The following ZBED4 variants were observed in gnomAD, a reference collection of about 807,000 sequenced individuals.
ZBED4 encodes zinc finger BED-type containing 4.
In ZBED4, 4 loss-of-function variants were observed where a neutral mutation model predicts 15.5. That is an observed-to-expected ratio of 0.26 (90% CI 0.13 to 0.59). The LOEUF (loss-of-function observed/expected upper bound fraction) is 0.59, where lower values mean the gene tolerates loss of function less well. Among genes scored for constraint, ZBED4 ranks in the 20% least tolerant of loss-of-function variants. ZBED4 has a pLI of 0.90. For missense variants in ZBED4, 1,323 were observed against 1,461.8 expected, an observed-to-expected ratio of 0.91 and a Z score of 1.55; for synonymous variants, 692 against 608.5, an observed-to-expected ratio of 1.14 and a Z score of -2.02.
At chr22:49,878,829 C>G (rs538686583) in intron 1 of ZBED4, among the ~76,000 whole-genome samples, 12 of 152,076 alleles carry the variant, frequency 7.9e-5, no homozygotes, top group African/African-American at 1.9e-4. Flanking sequence ...GAAACCTTGT[C>G]TCTACTAAAA....
At position 49,879,302 on chromosome 22, in the gene ZBED4, T is replaced by C. The variant is rs538081714; in HGVS notation, c.-329-4032T>C. Among the ~76,000 whole-genome samples, 4 of 149,630 alleles carry C rather than the reference T, an allele frequency of 2.7e-5. No individual in the cohort carries two copies. In the East Asian group the frequency reaches 7.9e-4, roughly 30 times the overall value. ...ACCACGCCGCGCTAATTTTTTTGTA[T>C]TTTTAGTAGAGACCAGGTTTCGCCA... On this transcript the variant is annotated intron_variant, in intron 1 of 1. Transcript: ENST00000216268.
At position 49,887,844 on chromosome 22, in the gene ZBED4, T is replaced by G. The variant is rs1418260185; in HGVS notation, c.*666T>G. The G allele has an allele frequency of 6.0e-6, 1 of 167,284 alleles. No homozygotes were observed. Among genetic ancestry groups the G allele is most frequent in the Non-Finnish European group, 1.5e-5 (1 of 68,146 alleles). 10.4% of individuals were successfully genotyped at this position (167,284 alleles called of 1,614,324 possible). A position where few individuals can be genotyped will look rare whatever the true frequency, so the allele number is the denominator to read the frequency against. On this transcript the variant is annotated 3_prime_UTR_variant, in exon 2 of 2. Coordinates refer to ENST00000216268, the MANE Select transcript of ZBED4 (RefSeq NM_014838.3). Reference sequence around the variant, plus strand: ...TTCAGGCTTTACATGGTCAGTTAACTCAGAGATACCCCAGCTGTTTATCAT... The same window carrying G: ...TTCAGGCTTTACATGGTCAGTTAACGCAGAGATACCCCAGCTGTTTATCAT...
chr22:49,877,811 G>T (rs751448093), intron 1 of ZBED4, among the ~76,000 whole-genome samples: 1 of 151,950 alleles, frequency 6.6e-6, no homozygotes, highest in Non-Finnish European at 1.5e-5. Flanking sequence ...TCTGCCCCTC[G>T]TGGCCCCTCC....
At chr22:49,854,919 C>A (rs965099560) in intron 1 of ZBED4, among the ~76,000 whole-genome samples, 1 of 152,208 alleles carries the variant, frequency 6.6e-6, no homozygotes, top group African/African-American at 2.4e-5. Flanking sequence ...CGACTTTTTA[C>A]ACAGAAATGT....
Position 49,889,722 on chromosome 22 carries a change from C to T in ZBED4, c.*2544C>T, listed in dbSNP as rs567485232. On this transcript the variant is annotated 3_prime_UTR_variant, in exon 2 of 2. Transcript: ENST00000216268. Reference sequence around the variant, plus strand: ...TCTCTGCCCTCCAGTTGCTGACAGTCCTGCAGGAAGATGGACAAGAGGCCC... The same window carrying T: ...TCTCTGCCCTCCAGTTGCTGACAGTTCTGCAGGAAGATGGACAAGAGGCCC... The T allele has an allele frequency of 1.2e-5, 2 of 167,334 alleles. No homozygotes were observed. The highest frequency in any genetic ancestry group is 2.1e-4 in the South Asian group (1 of 4,822). 10.4% of individuals were successfully genotyped at this position (167,334 alleles called of 1,614,324 possible). A position where few individuals can be genotyped will look rare whatever the true frequency, so the allele number is the denominator to read the frequency against.
chr22:49,856,721 G>A (rs4058456), intron 1 of ZBED4, among the ~76,000 whole-genome samples: 211 of 18,438 alleles, frequency 0.011, 1 homozygote, highest in Admixed American at 0.039. Flanking sequence ...TGAAGGCCGC[G>A]CTGGAATCCC....
chr22:49,881,954 A>G (rs1189560853), intron 1 of ZBED4, among the ~76,000 whole-genome samples: 1 of 152,186 alleles, frequency 6.6e-6, no homozygotes, highest in East Asian at 1.9e-4. Flanking sequence ...TAACCTTGGA[A>G]CACTTTTTAG....
intron 1 of ZBED4, among the ~76,000 whole-genome samples, chr22:49,881,601 C>A (rs1030702764): frequency 6.6e-6 from 1 of 152,228 alleles, no homozygotes; most frequent in African/African-American, 2.4e-5. Context: ...AGTCTTCAAA[C>A]TCCTGCCCTC....
Position 49,884,799 on chromosome 22 carries a change from G to T in ZBED4, c.1137G>T (p.Pro379=), listed in dbSNP as rs376883523. 1.2e-6 allele frequency: 2 copies of T among 1,609,538 alleles called. No individual in the cohort carries two copies. Among genetic ancestry groups the T allele is most frequent in the Middle Eastern group, 1.7e-4 (1 of 6,044 alleles). The change falls in exon 2 of 2, where the codon CCG becomes CCT. Residue 379 remains proline, a synonymous_variant. Transcript: ENST00000216268. ...CTGTGTCCTCGTCTCCAGTAAAGCC[G>T]GTCAGAGAGTCCCCTTCGGCCTCCT... ...LSSVSSSPVK[P]VRESPSASSS... is the part of the protein sequence containing the mutation.
intron 1 of ZBED4, among the ~76,000 whole-genome samples, chr22:49,866,961 G>A (rs1314319336): frequency 1.3e-5 from 2 of 152,122 alleles, no homozygotes; most frequent in East Asian, 3.8e-4. Flanking sequence ...CATTGGTTTG[G>A]TTTGCTGTTT....
chr22:49,874,698 T>TTTTTTTTTG (rs2060367359), intron 1 of ZBED4, among the ~76,000 whole-genome samples: 1 of 142,292 alleles, frequency 7.0e-6, no homozygotes, highest in Non-Finnish European at 1.5e-5. Context: ...TTTTTTTTTT[T>TTTTTTTTTG]GAGACGGAGT....
intron 1 of ZBED4, among the ~76,000 whole-genome samples, chr22:49,873,198 T>C (rs1383474166): frequency 6.6e-6 from 1 of 152,240 alleles, no homozygotes; most frequent in Non-Finnish European, 1.5e-5. Context: ...AGCGTTGGCC[T>C]CTCTCAGCTT....
Position 49,886,119 on chromosome 22 carries a change from G to A in ZBED4, c.2457G>A (p.Glu819=), listed in dbSNP as rs2060437315. 4.4e-6 allele frequency: 3 copies of A among 682,310 alleles called. No individual in the cohort carries two copies. The highest frequency in any genetic ancestry group is 1.8e-5 in the African/African-American group (1 of 55,896). The allele number at this position is 682,310 out of a possible 1,614,324, so 42.3% of individuals were successfully genotyped here. A position where few individuals can be genotyped will look rare whatever the true frequency, so the allele number is the denominator to read the frequency against. ...DNASIGKTLN[E]GEHSSVQCFS... ...CCAGCATCGGGAAGACGCTGAACGA[G>A]GGGGAGCACTCGAGCGTGCAGTGCT... The change falls in exon 2 of 2, where the codon GAG becomes GAA. Residue 819 remains glutamate (E), a synonymous_variant. Coordinates refer to ENST00000216268, the MANE Select transcript of ZBED4 (RefSeq NM_014838.3). The surrounding 1 kb of genome is among the most constrained non-coding windows in gnomAD (Gnocchi z 7.7).
intron 1 of ZBED4, among the ~76,000 whole-genome samples, chr22:49,858,859 G>A (rs1011027848): frequency 3.3e-5 from 5 of 152,142 alleles, no homozygotes; most frequent in South Asian, 2.1e-4. Flanking sequence ...GTCTCTTTGC[G>A]TTCCGGTGCC....
chr22:49,856,108 A>G (rs561466874), intron 1 of ZBED4, among the ~76,000 whole-genome samples: 4 of 152,214 alleles, frequency 2.6e-5, no homozygotes, highest in Non-Finnish European at 5.9e-5. Flanking sequence ...TACATTCTGC[A>G]GTACCTCAGA....
chr22:49,877,068 C>A (rs1054461678), intron 1 of ZBED4, among the ~76,000 whole-genome samples: 13 of 152,126 alleles, frequency 8.5e-5, no homozygotes, highest in Non-Finnish European at 1.6e-4. Context: ...TTTACCTCAG[C>A]CTCAAAGAGT....
intron 1 of ZBED4, among the ~76,000 whole-genome samples, chr22:49,869,556 C>T (rs2060337348): frequency 6.6e-6 from 1 of 152,178 alleles, no homozygotes; most frequent in South Asian, 2.1e-4. Context: ...TGGTTTGGCT[C>T]TCATTTTTCA....
In ZBED4 at chr22:49,885,305, A is replaced by C. The variant is rs199867332; in HGVS notation, c.1643A>C (p.Asn548Thr). 1 of 1,593,674 alleles carries C rather than the reference A, an allele frequency of 6.3e-7. No homozygotes were observed. The highest frequency in any genetic ancestry group is 8.6e-7 in the Non-Finnish European group (1 of 1,168,696). ...LTDLPTVVTK[N>T]NQVMFPVNSK... ...GACTTGCCAACAGTGGTCACAAAAA[A>C]CAATCAAGTTATGTTTCCTGTTAAT... Residue 548 changes from asparagine to threonine, a missense_variant, in exon 2 of 2, where the codon AAC (asparagine) becomes ACC (threonine). Physicochemically the swap from Asn to Thr is moderately conservative, Grantham distance 65. Coordinates refer to ENST00000216268, the MANE Select transcript of ZBED4 (RefSeq NM_014838.3).
Position 49,886,497 on chromosome 22 carries a change from G to GGAGAT in ZBED4, c.2839_2843dup (p.Ser948ArgfsTer2). Reference sequence around the variant, plus strand: ...TAAAGCCCTTCGAGGCTGCGAGCCGGGAGATGAGCACGCAGATGTCCACCC... The same window carrying GGAGAT: ...TAAAGCCCTTCGAGGCTGCGAGCCGGGAGATGAGATGAGCACGCAGATGTCCACCC... On this transcript the variant is annotated frameshift_variant, in exon 2 of 2. Coordinates refer to ENST00000216268, the MANE Select transcript of ZBED4 (RefSeq NM_014838.3). LOFTEE classifies it high-confidence loss of function. The surrounding 1 kb of genome is among the most constrained non-coding windows in gnomAD (Gnocchi z 7.7). The GGAGAT allele has an allele frequency of 6.4e-7, 1 of 1,566,550 alleles. No homozygotes were observed. The highest frequency in any genetic ancestry group is 8.7e-7 in the Non-Finnish European group (1 of 1,154,680).
Sources: gnomAD v4.1 joint callset for allele counts (sites outside exome capture counted in the v4.1 genomes callset) on GRCh38, gnomAD v4.1.1 for gene constraint, Gnocchi (gnomAD v3.1) non-coding constraint, MANE v1.5 for transcripts, NCBI Gene and HGNC (gene_info 2026-07-23, HGNC 2026-07-21) for gene names.